MYLK2: variants seen among roughly 807,000 people sequenced by gnomAD.
The protein encoded by MYLK2 is myosin light chain kinase 2, also known as myosin light chain kinase 2, skeletal/cardiac muscle.
A neutral mutation model predicts 58.2 loss-of-function variants in MYLK2; 27 were observed. The observed-to-expected ratio is 0.46, with a 90% confidence interval of 0.34 to 0.64. The LOEUF is 0.64. MYLK2 is among the 30% of genes least tolerant of loss of function. MYLK2 has a pLI of 0.01. For synonymous variants in MYLK2, 310 were observed against 296.7 expected (o/e 1.04, Z -0.46); for missense variants, 676 against 764.3 (o/e 0.88, Z 1.36).
chr20:31,820,615 C>T, intron 3 of MYLK2, 69 bp downstream of exon 3: 2 of 1,556,322 alleles, frequency 1.3e-6, no homozygotes, highest in Non-Finnish European at 1.7e-6. Flanking sequence ...GCTTAATTCC[C>T]TTGTCTTAGG....
At chr20:31,824,764 A>G (rs2062270323) in intron 6 of MYLK2, among the ~76,000 whole-genome samples, 1 of 152,138 alleles carries the variant, frequency 6.6e-6, no homozygotes, top group Non-Finnish European at 1.5e-5. Flanking sequence ...TCTAGTACCC[A>G]CGGCCTGGGC....
Position 31,826,688 on chromosome 20 carries a change from G to A in MYLK2, c.1056G>A (p.Pro352=), listed in dbSNP as rs370053164. The A allele has an allele frequency of 1.3e-5, 21 of 1,613,962 alleles. No individual in the cohort carries two copies. In the African/African-American group the frequency reaches 1.6e-4, roughly 12 times the overall value. The change falls in exon 7 of 13, where the codon CCG becomes CCA. Residue 352 remains proline (P), a synonymous_variant. Coordinates refer to ENST00000375985, the MANE Select transcript of MYLK2 (RefSeq NM_033118.4). The part of the protein sequence containing the change: ...LIQLYAAIET[P]HEIVLFMEYI... ...AGCTGTATGCAGCCATCGAGACTCC[G>A]CATGAGATCGTCCTGTTCATGGAGT...
intron 5 of MYLK2, 78 bp downstream of exon 5, chr20:31,823,660 C>A: frequency 7.2e-7 from 1 of 1,389,882 alleles, no homozygotes; most frequent in Non-Finnish European, 1.0e-6. Flanking sequence ...TTCCCCTGTG[C>A]AAGGCCCAGA....
At position 31,825,068 on chromosome 20, in the gene MYLK2, C is replaced by T. The variant is rs200034660; in HGVS notation, c.972+716C>T. Among the ~76,000 whole-genome samples the T allele has an allele frequency of 1.6e-4, 24 of 152,222 alleles. No homozygotes were observed. In the East Asian group the frequency reaches 3.3e-3, roughly 21 times the overall value. ...AGAGGGGACTATGGGAGGAAAGGCTCGAGGGCCAGAGATAGCAGGAGGTGC... is the reference window on the plus strand; with the variant it reads ...AGAGGGGACTATGGGAGGAAAGGCTTGAGGGCCAGAGATAGCAGGAGGTGC... On this transcript the variant is annotated intron_variant, in intron 6 of 12. Transcript: ENST00000375985.
chr20:31,833,918 GC>G lies in MYLK2; in HGVS notation c.*123del. The G allele has an allele frequency of 1.1e-6, 1 of 932,140 alleles. No homozygotes were observed. The highest frequency in any genetic ancestry group is 1.7e-6 in the Non-Finnish European group (1 of 601,948). The allele number at this position is 932,140 out of a possible 1,614,324, so 57.7% of individuals were successfully genotyped here. A position where few individuals can be genotyped will look rare whatever the true frequency, so the allele number is the denominator to read the frequency against. ...GGCAGCCTCGTTAGGACAAGGCTGT[GC>G]CAGGCTGGGAGGCTCGGGGCTCCCC... On this transcript the variant is annotated 3_prime_UTR_variant, in exon 13 of 13. Transcript: ENST00000375985.
Position 31,820,213 on chromosome 20 carries a change from C to T in MYLK2, c.140C>T (p.Pro47Leu). The stretch of plus-strand genomic sequence containing the variant: ...CCAGACCCAAAGAAAGCTCCGGATC[C>T]ACCCACCCTGAAGAAAGATGCCAAA... ...GPPDPKKAPD[P>L]PTLKKDAKAP... The change falls in exon 3 of 13, where the codon CCA becomes CTA. Residue 47 changes from proline to leucine, a missense_variant. Transcript: ENST00000375985. 6.2e-7 allele frequency: 1 copy of T among 1,614,004 alleles called. No individual in the cohort carries two copies. Among genetic ancestry groups the T allele is most frequent in the Admixed American group, 1.7e-5 (1 of 60,030 alleles).
chr20:31,819,711 T>A, intron 2 of MYLK2, 79 bp downstream of exon 2: 1 of 1,488,146 alleles, frequency 6.7e-7, no homozygotes, highest in Non-Finnish European at 9.2e-7. Context: ...GGTTCCTCAG[T>A]GGGAGTTCTG....
intron 8 of MYLK2, among the ~76,000 whole-genome samples, chr20:31,827,882 CTTTT>C (rs10646259): frequency 1.1e-5 from 1 of 94,842 alleles, no homozygotes. Flanking sequence ...AGCAGATCTG[CTTTT>C]TTTTTTTTTT....
chr20:31,830,873 T>A lies in MYLK2; in HGVS notation c.1279T>A (p.Phe427Ile). 6.2e-7 allele frequency: 1 copy of A among 1,613,956 alleles called. No homozygotes were observed. Among genetic ancestry groups the A allele is most frequent in the Non-Finnish European group, 8.5e-7 (1 of 1,179,950 alleles). Residue 427 changes from phenylalanine (F) to isoleucine (I), a missense_variant, in exon 9 of 13, where the codon TTT becomes ATT. Physicochemically the swap from Phe to Ile is conservative, Grantham distance 21 (BLOSUM62 0). Around this residue, in one of 2 missense-constraint regions of MYLK2, gnomAD observed 370 missense variants for 467.8 expected, o/e 0.79. Transcript: ENST00000375985. ...CGGGCATTTGGTGAAGATCATTGAC[T>A]TTGGCCTGGCACGGAGGTACCACCT... ...TTGHLVKIID[F>I]GLARRYNPNE...
intron 12 of MYLK2, among the ~76,000 whole-genome samples, chr20:31,832,543 G>A (rs568182587): frequency 3.9e-5 from 6 of 152,016 alleles, no homozygotes; most frequent in Non-Finnish European, 7.4e-5. Context: ...CCCAGGCTGG[G>A]GTACAATGGC....
chr20:31,829,589 A>G (rs1411998963), intron 8 of MYLK2, among the ~76,000 whole-genome samples: 1 of 152,176 alleles, frequency 6.6e-6, no homozygotes, highest in Non-Finnish European at 1.5e-5. Flanking sequence ...TAACAAATAC[A>G]TGTTGAATGG....
In MYLK2 at chr20:31,833,876, G is replaced by A. The variant is rs567868802; in HGVS notation, c.*79G>A. ...CCACACAGCCCAGAAGGCCAGAAAA[G>A]GCAGCCAGATCCCCAGGGCAGCCTC... On this transcript the variant is annotated 3_prime_UTR_variant, in exon 13 of 13. Coordinates refer to ENST00000375985, the MANE Select transcript of MYLK2 (RefSeq NM_033118.4). 5 of 1,377,610 alleles carry A rather than the reference G, an allele frequency of 3.6e-6. No individual in the cohort carries two copies. The highest frequency in any genetic ancestry group is 3.5e-5 in the South Asian group (3 of 85,834). 85.3% of individuals were successfully genotyped at this position (1,377,610 alleles called of 1,614,324 possible). A position where few individuals can be genotyped will look rare whatever the true frequency, so the allele number is the denominator to read the frequency against.
intron 3 of MYLK2, 37 bp from the exon 4 acceptor site, chr20:31,821,402 C>G (rs1019655150): frequency 1.2e-6 from 2 of 1,611,142 alleles, no homozygotes; most frequent in African/African-American, 1.3e-5. Flanking sequence ...CAGGCTGTGG[C>G]CGCTGAGGGC....
intron 12 of MYLK2, 59 bp from the exon 13 acceptor site, chr20:31,833,658 C>A: frequency 6.8e-7 from 1 of 1,480,278 alleles, no homozygotes; most frequent in Non-Finnish European, 9.4e-7. Flanking sequence ...TGCTCAGACA[C>A]CCTGCAGCTG....
intron 3 of MYLK2, 35 bp from the exon 4 acceptor site, chr20:31,821,404 G>T (rs186773680): frequency 5.6e-6 from 9 of 1,611,292 alleles, no homozygotes; most frequent in Non-Finnish European, 5.9e-6. Flanking sequence ...GGCTGTGGCC[G>T]CTGAGGGCTT....
chr20:31,832,240 C>T, intron 12 of MYLK2, 104 bp downstream of exon 12: 1 of 1,479,932 alleles, frequency 6.8e-7, no homozygotes, highest in East Asian at 2.4e-5. Flanking sequence ...TTCTGTTGAC[C>T]AGGCTGGGCC....
intron 2 of MYLK2, 92 bp downstream of exon 2, chr20:31,819,724 C>A: frequency 6.9e-7 from 1 of 1,443,546 alleles, no homozygotes; most frequent in Non-Finnish European, 9.5e-7. Flanking sequence ...GAGTTCTGTG[C>A]CCCAGCCTTG....
intron 8 of MYLK2, among the ~76,000 whole-genome samples, chr20:31,828,887 G>A (rs2062292532): frequency 1.3e-5 from 2 of 152,188 alleles, no homozygotes; most frequent in Non-Finnish European, 2.9e-5. Flanking sequence ...GATGGAGTAA[G>A]TAAGCCAGGA....
chr20:31,830,349 T>C (rs1321792489), intron 8 of MYLK2, among the ~76,000 whole-genome samples: 1 of 152,166 alleles, frequency 6.6e-6, no homozygotes, highest in African/African-American at 2.4e-5. Flanking sequence ...CCAGTGACCC[T>C]GGAGTAGTGT....
Sources: gnomAD v4.1 joint callset for allele counts (sites outside exome capture counted in the v4.1 genomes callset) on GRCh38, gnomAD v4.1.1 for gene constraint, gnomAD v4.1.1 regional missense constraint, MANE v1.5 for transcripts, NCBI Gene and HGNC (gene_info 2026-07-23, HGNC 2026-07-21) for gene names.